The following TNNI3K variants were observed in gnomAD, a reference collection of about 807,000 sequenced individuals.
TNNI3K encodes the protein serine/threonine-protein kinase TNNI3K.
In TNNI3K, 140 loss-of-function variants were observed where a neutral mutation model predicts 114.5. The observed-to-expected ratio is 1.22, with a 90% CI of 1.07 to 1.41. The LOEUF (loss-of-function observed/expected upper bound fraction) is 1.41, where lower values mean the gene tolerates loss of function less well. TNNI3K is among the 40% of genes most tolerant of loss of function. The pLI is 0.00. For synonymous variants in TNNI3K, 347 were observed against 347.5 expected, an observed-to-expected ratio of 1.00 and a Z score of 0.02; for missense variants, 1,125 against 1,007.6, an observed-to-expected ratio of 1.12 and a Z score of -1.58.
chr1:74,250,585 G>A, intron 3 of TNNI3K, 87 bp from the exon 4 acceptor site: 1 of 1,265,158 alleles, frequency 7.9e-7, no homozygotes, highest in South Asian at 1.6e-5. Flanking sequence ...TTATACAGCT[G>A]TATGGCATTT....
chr1:74,344,085 TA>T (rs949788433), intron 9 of TNNI3K, among the ~76,000 whole-genome samples: 76 of 152,240 alleles, frequency 5.0e-4, no homozygotes, highest in African/African-American at 1.7e-3. Flanking sequence ...TGATGAATAA[TA>T]AAAATGAGGA....
chr1:74,277,271 GATAA>G (rs1388148410), intron 5 of TNNI3K, among the ~76,000 whole-genome samples: 1 of 152,016 alleles, frequency 6.6e-6, no homozygotes, highest in African/African-American at 2.4e-5. Flanking sequence ...GCATTCAGAT[GATAA>G]ATAAATAAGC....
intron 17 of TNNI3K, chr1:74,371,333 A>G (rs1296692981): frequency 6.6e-6 from 1 of 151,882 alleles, no homozygotes; most frequent in Non-Finnish European, 1.5e-5. Context: ...TGGGACGTTC[A>G]TAGACTACAT....
chr1:74,495,460 T>C (rs1482080691), intron 23 of TNNI3K, among the ~76,000 whole-genome samples: 1 of 152,136 alleles, frequency 6.6e-6, no homozygotes, highest in Non-Finnish European at 1.5e-5. Flanking sequence ...ATTGGATAAA[T>C]TGGCTCAATA....
chr1:74,264,207 C>T (rs1372486417), intron 4 of TNNI3K, among the ~76,000 whole-genome samples: 1 of 151,312 alleles, frequency 6.6e-6, no homozygotes, highest in East Asian at 1.9e-4. Flanking sequence ...AGTATTTCCA[C>T]CACACTGAAA....
intron 21 of TNNI3K, among the ~76,000 whole-genome samples, chr1:74,486,563 G>A (rs141068873): frequency 6.7e-6 from 1 of 150,208 alleles, no homozygotes; most frequent in Non-Finnish European, 1.5e-5. Flanking sequence ...TACTGAAATG[G>A]GAAAGGCTAT....
intron 19 of TNNI3K, 32 bp downstream of exon 19, chr1:74,436,558 A>G: frequency 6.4e-7 from 1 of 1,571,806 alleles, no homozygotes. Context: ...CTATAATTAT[A>G]AACCAATTAA....
At chr1:74,537,217 T>C (rs1000571692) in intron 23 of TNNI3K, among the ~76,000 whole-genome samples, 1 of 152,222 alleles carries the variant, frequency 6.6e-6, no homozygotes, top group Non-Finnish European at 1.5e-5. Context: ...TTATCTTGTG[T>C]TGCCAAGACT....
At chr1:74,445,540 G>T (rs1307535268) in intron 20 of TNNI3K, among the ~76,000 whole-genome samples, 1 of 150,454 alleles carries the variant, frequency 6.6e-6, no homozygotes, top group Admixed American at 6.6e-5. Context: ...TCCCTACAAA[G>T]GACGTGAACT....
chr1:74,538,580 A>G lies in TNNI3K; in HGVS notation c.2352-1654A>G, dbSNP rs1010049662. On this transcript the variant is annotated intron_variant, in intron 23 of 24. Transcript: ENST00000326637. ...TTTTCTATAGTTCTGAAAGAAGGAA[A>G]TAAGGCGATGTGATGTGATAGAGAG... 9.2e-5 allele frequency among the ~76,000 whole-genome samples: 14 copies of G among 152,266 alleles called. 1 individual carries two copies. In the South Asian group the frequency reaches 2.7e-3, roughly 29 times the overall value.
chr1:74,333,272 A>T (rs1033826333), intron 6 of TNNI3K, among the ~76,000 whole-genome samples: 1 of 152,210 alleles, frequency 6.6e-6, no homozygotes, highest in Non-Finnish European at 1.5e-5. Context: ...AGGTAGGAAG[A>T]TTGCTTATTT....
At chr1:74,403,716 C>G (rs781328521) in intron 17 of TNNI3K, among the ~76,000 whole-genome samples, 1 of 152,032 alleles carries the variant, frequency 6.6e-6, no homozygotes, top group African/African-American at 2.4e-5. Flanking sequence ...AAGTTTCATT[C>G]TTATATGAAT....
intron 4 of TNNI3K, 44 bp downstream of exon 4, chr1:74,250,813 A>C: frequency 9.9e-7 from 1 of 1,013,514 alleles, no homozygotes; most frequent in Non-Finnish European, 1.4e-6. Context: ...GGAACTAAGG[A>C]TAGTGTGTAT....
Position 74,332,148 on chromosome 1 carries a change from G to A in TNNI3K, c.543+600G>A, listed in dbSNP as rs45443396. Among the ~76,000 whole-genome samples, 822 of 151,758 alleles carry A rather than the reference G, an allele frequency of 5.4e-3. 2 individuals are homozygous for A. Among genetic ancestry groups the A allele is most frequent in the South Asian group, 8.3e-3 (40 of 4,804 alleles). On this transcript the variant is annotated intron_variant, in intron 6 of 24. Transcript: ENST00000326637. ...ACTTTAAAGTTTTTAACATACTTTT[G>A]TTCAATACATGATTTTTATTTAACC...
intron 7 of TNNI3K, among the ~76,000 whole-genome samples, chr1:74,339,536 G>T (rs1660648538): frequency 6.6e-6 from 1 of 152,094 alleles, no homozygotes; most frequent in Non-Finnish European, 1.5e-5. Flanking sequence ...TGACCCCAAA[G>T]AGAGTACAAT....
chr1:74,273,919 A>G lies in TNNI3K; in HGVS notation c.444+2211A>G, dbSNP rs45452195. Among the ~76,000 whole-genome samples the G allele has an allele frequency of 3.9e-3, 590 of 152,060 alleles. 4 individuals are homozygous for G. The highest frequency in any genetic ancestry group is 0.013 in the African/African-American group (556 of 41,538). On this transcript the variant is annotated intron_variant, in intron 5 of 24. Coordinates refer to ENST00000326637, the MANE Select transcript of TNNI3K (RefSeq NM_015978.3). ...GTATCCAAAACTATCTAAAATAATT[A>G]TATTCAAAATGAATATTTTTGTTGG...
chr1:74,251,844 T>C (rs1654948662), intron 4 of TNNI3K, among the ~76,000 whole-genome samples: 1 of 152,214 alleles, frequency 6.6e-6, no homozygotes, highest in East Asian at 1.9e-4. Flanking sequence ...GTTTCATCTC[T>C]TTTCATGCCC....
chr1:74,411,977 C>T (rs1404060862), intron 17 of TNNI3K, among the ~76,000 whole-genome samples: 1 of 152,052 alleles, frequency 6.6e-6, no homozygotes, highest in Non-Finnish European at 1.5e-5. Context: ...TTGTTCAATA[C>T]ATAGTTCAAA....
At chr1:74,255,472 G>A (rs528270190) in intron 4 of TNNI3K, among the ~76,000 whole-genome samples, 3 of 152,032 alleles carry the variant, frequency 2.0e-5, no homozygotes, top group Admixed American at 6.5e-5. Flanking sequence ...TGGTTCGAAC[G>A]CCTCTGACAT....
Sources: gnomAD v4.1 joint callset for allele counts (sites outside exome capture counted in the v4.1 genomes callset) on GRCh38, gnomAD v4.1.1 for gene constraint, MANE v1.5 for transcripts, NCBI Gene and HGNC (gene_info 2026-07-23, HGNC 2026-07-21) for gene names.